The following MCM5 variants were observed in gnomAD, a reference collection of about 807,000 sequenced individuals.
MCM5 encodes DNA replication licensing factor MCM5.
A neutral mutation model predicts 79.9 loss-of-function variants in MCM5; 46 were observed. That is an observed-to-expected ratio of 0.58 (90% CI 0.45 to 0.74). MCM5 has a LOEUF of 0.74. Among genes scored for constraint, MCM5 ranks in the 30% least tolerant of loss-of-function variants. MCM5 has a pLI of 0.00. For synonymous variants in MCM5, 404 were observed against 390.5 expected (o/e 1.03, Z -0.41); for missense variants, 883 against 1,017.0 (o/e 0.87, Z 1.79).
At chr22:35,449,346 C>A in the MCM5 span, among the ~76,000 whole-genome samples, 1 of 152,226 alleles carries the variant, frequency 6.6e-6, no homozygotes, top group Non-Finnish European at 1.5e-5. Flanking sequence ...AGGCTCCTTG[C>A]CCCTATCGTG....
intron 9 of MCM5, among the ~76,000 whole-genome samples, chr22:35,415,259 A>T (rs948124049): frequency 7.2e-5 from 11 of 152,234 alleles, no homozygotes; most frequent in African/African-American, 2.7e-4. Context: ...TTAACTCGCT[A>T]TATCTAAAAT....
the MCM5 span, among the ~76,000 whole-genome samples, chr22:35,435,067 C>G: frequency 6.6e-6 from 1 of 152,174 alleles, no homozygotes; most frequent in Non-Finnish European, 1.5e-5. Flanking sequence ...AGGAGAATTG[C>G]TTGAACCCGG....
chr22:35,412,719 T>C (rs773283048), intron 8 of MCM5, 38 bp downstream of exon 8: 1 of 1,405,914 alleles, frequency 7.1e-7, no homozygotes, highest in Non-Finnish European at 9.4e-7. Flanking sequence ...GGGAGGCGGC[T>C]GATGATGGGG....
the MCM5 span, among the ~76,000 whole-genome samples, chr22:35,437,235 A>G: frequency 6.6e-6 from 1 of 151,918 alleles, no homozygotes; most frequent in African/African-American, 2.4e-5. Flanking sequence ...ATGTGACTGG[A>G]CTGGCCAATC....
chr22:35,430,791 T>C, the MCM5 span, among the ~76,000 whole-genome samples: 1 of 149,386 alleles, frequency 6.7e-6, no homozygotes, highest in South Asian at 2.1e-4. Context: ...ATTACAGGCG[T>C]GAGCCACTGT....
At chr22:35,436,125 C>T in the MCM5 span, among the ~76,000 whole-genome samples, 2 of 144,528 alleles carry the variant, frequency 1.4e-5, no homozygotes, top group African/African-American at 5.3e-5. Flanking sequence ...GATCGCACCA[C>T]TGCACTCCAG....
rs1422248706 is a variant in MCM5 at position 35,424,367 on chromosome 22, T to C, written c.*112T>C. ...TGCCTCCCCACTGCAGCCCTCGAACTTCCCAGGCACCCTCCTTTCTGCCCC... is the reference window on the plus strand; with the variant it reads ...TGCCTCCCCACTGCAGCCCTCGAACCTCCCAGGCACCCTCCTTTCTGCCCC... On this transcript the variant is annotated 3_prime_UTR_variant, in exon 17 of 17. Transcript: ENST00000216122. 2.7e-6 allele frequency: 2 copies of C among 751,134 alleles called. No homozygotes were observed. The highest frequency in any genetic ancestry group is 4.3e-6 in the Non-Finnish European group (2 of 465,656). 46.5% of individuals were successfully genotyped at this position (751,134 alleles called of 1,614,324 possible). A position where few individuals can be genotyped will look rare whatever the true frequency, so the allele number is the denominator to read the frequency against.
chr22:35,421,235 A>AG, intron 14 of MCM5, 83 bp from the exon 15 acceptor site: 1 of 1,466,764 alleles, frequency 6.8e-7, no homozygotes, highest in East Asian at 2.4e-5. Context: ...CACTTTGGGC[A>AG]AGCACCTCCC....
downstream of MCM5, among the ~76,000 whole-genome samples, chr22:35,428,106 C>T (rs191550746): frequency 4.3e-3 from 654 of 151,374 alleles, 5 homozygotes; most frequent in African/African-American, 0.014. Context: ...CTGCAACCTC[C>T]GCCTCCCAGG....
chr22:35,424,286 G>C lies in MCM5; in HGVS notation c.*31G>C, dbSNP rs1005170660. ...GCCGCCTCACTGGACTCATGGACTC[G>C]CCCACGCCTCGCCCCTCCTGCCGCT... On this transcript the variant is annotated 3_prime_UTR_variant, in exon 17 of 17. Coordinates refer to ENST00000216122, the MANE Select transcript of MCM5 (RefSeq NM_006739.4). The C allele has an allele frequency of 2.7e-6, 4 of 1,461,696 alleles. No homozygotes were observed. The highest frequency in any genetic ancestry group is 2.1e-5 in the Admixed American group (1 of 47,228). 90.5% of individuals were successfully genotyped at this position (1,461,696 alleles called of 1,614,324 possible). A position where few individuals can be genotyped will look rare whatever the true frequency, so the allele number is the denominator to read the frequency against.
At chr22:35,412,145 T>C (rs1321599505) in intron 7 of MCM5, among the ~76,000 whole-genome samples, 1 of 152,214 alleles carries the variant, frequency 6.6e-6, no homozygotes, top group Non-Finnish European at 1.5e-5. Flanking sequence ...CGTCTCCACC[T>C]TGCCCTACCT....
chr22:35,421,279 C>T (rs752496737), intron 14 of MCM5, 39 bp from the exon 15 acceptor site: 34 of 1,592,130 alleles, frequency 2.1e-5, no homozygotes, highest in Middle Eastern at 2.0e-4. Context: ...AAGGGAATAG[C>T]GGACCGAGGC....
the MCM5 span, among the ~76,000 whole-genome samples, chr22:35,441,277 T>A: frequency 6.6e-6 from 1 of 152,140 alleles, no homozygotes; most frequent in Non-Finnish European, 1.5e-5. Context: ...GAAGATGGAT[T>A]AGATGTGTGC....
downstream of MCM5, among the ~76,000 whole-genome samples, chr22:35,427,325 G>A (rs78053271): frequency 6.3e-3 from 955 of 152,332 alleles, 24 homozygotes; most frequent in South Asian, 0.084. Context: ...GCAGCCTAAA[G>A]TCCCATTCTC....
At chr22:35,404,000 A>G (rs1932141049) in intron 4 of MCM5, among the ~76,000 whole-genome samples, 1 of 152,084 alleles carries the variant, frequency 6.6e-6, no homozygotes. Flanking sequence ...AGTCCAGGCT[A>G]CTTGGAAGGC....
the MCM5 span, among the ~76,000 whole-genome samples, chr22:35,438,945 A>G: frequency 8.0e-5 from 12 of 150,610 alleles, no homozygotes; most frequent in Non-Finnish European, 1.5e-4. Flanking sequence ...CCATTCATCC[A>G]TCCATGCATC....
At chr22:35,451,579 G>A in the MCM5 span, among the ~76,000 whole-genome samples, 4 of 152,260 alleles carry the variant, frequency 2.6e-5, no homozygotes, top group African/African-American at 7.2e-5. Flanking sequence ...TGACTCGAGA[G>A]GGGGCTTTGT....
downstream of MCM5, among the ~76,000 whole-genome samples, chr22:35,428,115 G>A (rs1239163690): frequency 3.3e-5 from 5 of 151,010 alleles, no homozygotes; most frequent in African/African-American, 1.2e-4. Flanking sequence ...CCGCCTCCCA[G>A]GATCAAGCGA....
At chr22:35,452,446 C>A in the MCM5 span, among the ~76,000 whole-genome samples, 1 of 152,184 alleles carries the variant, frequency 6.6e-6, no homozygotes, top group Non-Finnish European at 1.5e-5. Flanking sequence ...AGCATGGAGC[C>A]GGGCAGGTGC....
Sources: gnomAD v4.1 joint callset for allele counts (sites outside exome capture counted in the v4.1 genomes callset) on GRCh38, gnomAD v4.1.1 for gene constraint, MANE v1.5 for transcripts, NCBI Gene and HGNC (gene_info 2026-07-23, HGNC 2026-07-21) for gene names.